GCNT1: variants seen among roughly 807,000 people sequenced by gnomAD.
GCNT1 encodes glucosaminyl (N-acetyl) transferase 1.
In GCNT1, 16 loss-of-function variants were observed where a neutral mutation model predicts 26.2. The observed-to-expected ratio is 0.61, with a 90% CI of 0.41 to 0.93. The LOEUF is 0.93. GCNT1 is among the 40% of genes least tolerant of loss of function. The probability of loss-of-function intolerance (pLI) is 0.00; values close to 1 mark genes in which losing one functional copy is unlikely to be tolerated. For synonymous variants in GCNT1, 183 were observed against 190.8 expected (o/e 0.96, Z 0.34); for missense variants, 477 against 526.7 (o/e 0.91, Z 0.92).
chr9:76,484,462 T>A (rs984248297), intron 2 of GCNT1, among the ~76,000 whole-genome samples: 2 of 152,192 alleles, frequency 1.3e-5, no homozygotes, highest in Non-Finnish European at 2.9e-5. Flanking sequence ...ATAAGTAATT[T>A]CTTGTGAAAA....
intron 1 of GCNT1, among the ~76,000 whole-genome samples, chr9:76,448,408 T>C (rs1823610804): frequency 1.3e-5 from 2 of 152,062 alleles, no homozygotes; most frequent in Non-Finnish European, 2.9e-5. Context: ...GCTGTGATCA[T>C]GCCACTGCAC....
the GCNT1 span, among the ~76,000 whole-genome samples, chr9:76,406,866 T>C: frequency 6.6e-6 from 1 of 151,198 alleles, no homozygotes; most frequent in Admixed American, 6.6e-5. Flanking sequence ...CATGGCAAAA[T>C]CCAGTTTCTA....
At chr9:76,455,067 C>T (rs1279401308), upstream of GCNT1, among the ~76,000 whole-genome samples, 2 of 151,904 alleles carry the variant, frequency 1.3e-5, no homozygotes, top group South Asian at 2.1e-4. Context: ...AGGCTGGTCT[C>T]GAACTCCTAA....
At chr9:76,417,023 C>G (rs1823139019), upstream of GCNT1, among the ~76,000 whole-genome samples, 1 of 152,124 alleles carries the variant, frequency 6.6e-6, no homozygotes, top group African/African-American at 2.4e-5. Context: ...TTGTGCCACA[C>G]TCCAGCCTGG....
intron 2 of GCNT1, among the ~76,000 whole-genome samples, chr9:76,499,978 T>C (rs867125099): frequency 3.9e-5 from 6 of 152,330 alleles, no homozygotes; most frequent in South Asian, 2.1e-4. Context: ...TCGTGCTTTC[T>C]TTCAGTTATT....
intron 2 of GCNT1, among the ~76,000 whole-genome samples, chr9:76,475,389 A>G (rs1278613599): frequency 6.6e-6 from 1 of 152,188 alleles, no homozygotes; most frequent in Non-Finnish European, 1.5e-5. Flanking sequence ...TCATATTCGC[A>G]GGAAGATTTG....
chr9:76,477,925 G>T (rs1185778250), intron 2 of GCNT1, among the ~76,000 whole-genome samples: 1 of 152,180 alleles, frequency 6.6e-6, no homozygotes, highest in East Asian at 1.9e-4. Context: ...GGGACTTGGA[G>T]AACTTTTGTG....
chr9:76,499,304 T>A (rs1159901354), intron 2 of GCNT1, among the ~76,000 whole-genome samples: 2 of 152,072 alleles, frequency 1.3e-5, no homozygotes, highest in Non-Finnish European at 2.9e-5. Flanking sequence ...ATTTTTGTAT[T>A]TTTAGTAGAG....
At chr9:76,501,625 T>A (rs771090935) in intron 3 of GCNT1, 3 of 152,232 alleles carry the variant, frequency 2.0e-5, no homozygotes, top group African/African-American at 7.2e-5. Flanking sequence ...TTCAATCCAA[T>A]TTGAAAATTC....
intron 1 of GCNT1, among the ~76,000 whole-genome samples, chr9:76,428,110 C>CA (rs1227740959): frequency 6.6e-6 from 1 of 151,322 alleles, no homozygotes; most frequent in Non-Finnish European, 1.5e-5. Flanking sequence ...ACTAAAAATA[C>CA]AAAAAATTAG....
chr9:76,482,199 A>G (rs1824440638), intron 2 of GCNT1, among the ~76,000 whole-genome samples: 1 of 152,082 alleles, frequency 6.6e-6, no homozygotes, highest in African/African-American at 2.4e-5. Context: ...CCTCCCAACA[A>G]AGAGTTGTAC....
chr9:76,452,982 C>T (rs1237006597), intron 1 of GCNT1, among the ~76,000 whole-genome samples: 2 of 152,218 alleles, frequency 1.3e-5, no homozygotes, highest in Non-Finnish European at 2.9e-5. Context: ...TGTGCCATTA[C>T]TACAAAGCCT....
chr9:76,419,316 G>A (rs1823161592), upstream of GCNT1, among the ~76,000 whole-genome samples: 1 of 152,176 alleles, frequency 6.6e-6, no homozygotes, highest in African/African-American at 2.4e-5. Flanking sequence ...CTAATACCAT[G>A]TCTGGCACAG....
the GCNT1 span, among the ~76,000 whole-genome samples, chr9:76,408,276 A>G: frequency 5.3e-5 from 8 of 152,156 alleles, no homozygotes; most frequent in East Asian, 1.2e-3. Context: ...TCTTTATTCT[A>G]TTGAAGAAGT....
intron 1 of GCNT1, among the ~76,000 whole-genome samples, chr9:76,431,452 T>G (rs1297453999): frequency 6.6e-6 from 1 of 152,202 alleles, no homozygotes; most frequent in Non-Finnish European, 1.5e-5. Context: ...TTATAAAAGT[T>G]ACGCATAGGG....
At position 76,503,956 on chromosome 9, in the gene GCNT1, G is replaced by A; in HGVS notation, c.*288G>A. 2.4e-6 allele frequency: 1 copy of A among 415,354 alleles called. No homozygotes were observed. The highest frequency in any genetic ancestry group is 3.0e-5 in the South Asian group (1 of 32,936). The allele number at this position is 415,354 out of a possible 1,614,324, so 25.7% of individuals were successfully genotyped here. On this transcript the variant is annotated 3_prime_UTR_variant, in exon 4 of 4. Transcript: ENST00000376730. Reference sequence around the variant, plus strand: ...GAAAGAGGGGACCAGGGTGGCTGGGGAAGAGGCCGATGCATAAAGTCAGCC... The same window carrying A: ...GAAAGAGGGGACCAGGGTGGCTGGGAAAGAGGCCGATGCATAAAGTCAGCC...
intron 2 of GCNT1, among the ~76,000 whole-genome samples, chr9:76,462,652 G>A (rs1277156973): frequency 1.3e-5 from 2 of 152,106 alleles, no homozygotes; most frequent in Admixed American, 1.3e-4. Flanking sequence ...TTTCTGAGAT[G>A]GTCTAAACAT....
chr9:76,502,335 C>T lies in GCNT1; in HGVS notation c.-47C>T, dbSNP rs1171694496. The T allele has an allele frequency of 1.5e-6, 2 of 1,324,248 alleles. No individual in the cohort carries two copies. The highest frequency in any genetic ancestry group is 1.8e-5 in the Admixed American group (1 of 55,274). The allele number at this position is 1,324,248 out of a possible 1,614,324, so 82.0% of individuals were successfully genotyped here. A position where few individuals can be genotyped will look rare whatever the true frequency, so the allele number is the denominator to read the frequency against. ...GAGGGAAAATCATTGGTGCTTGGAG[C>T]ATAGAAGACTGCCCTTCACAAAGGA... is the stretch of plus-strand genomic sequence containing the variant. On this transcript the variant is annotated 5_prime_UTR_variant, in exon 4 of 4. Coordinates refer to ENST00000376730, the MANE Select transcript of GCNT1 (RefSeq NM_001490.5).
intron 2 of GCNT1, among the ~76,000 whole-genome samples, chr9:76,468,177 G>A (rs918002326): frequency 3.3e-5 from 5 of 152,078 alleles, no homozygotes; most frequent in East Asian, 1.9e-4. Flanking sequence ...GATTACGGGC[G>A]TGAGTCACCG....
Sources: allele counts gnomAD v4.1 joint callset (sites outside exome capture counted in the v4.1 genomes callset), GRCh38; gene constraint gnomAD v4.1.1; transcripts MANE v1.5; gene names NCBI Gene and HGNC (gene_info 2026-07-23, HGNC 2026-07-21).